The following HMBOX1 variants were observed in gnomAD, a reference collection of about 807,000 sequenced individuals.
The protein encoded by HMBOX1 is homeobox-containing protein 1.
HMBOX1 carries 14 observed loss-of-function variants against 54.5 expected under a neutral mutation model. That is an observed-to-expected ratio of 0.26 (90% CI 0.17 to 0.40). The LOEUF is 0.40. HMBOX1 is among the 10% of genes least tolerant of loss of function. HMBOX1 has a pLI of 1.00. For missense variants in HMBOX1, 332 were observed against 514.4 expected, an observed-to-expected ratio of 0.65 and a Z score of 3.43; for synonymous variants, 160 against 181.0, an observed-to-expected ratio of 0.88 and a Z score of 0.93.
intron 1 of HMBOX1, among the ~76,000 whole-genome samples, chr8:28,937,221 T>C (rs1383890464): frequency 1.3e-5 from 2 of 152,226 alleles, no homozygotes; most frequent in Admixed American, 1.3e-4. Flanking sequence ...TTTTGGGTTG[T>C]AGTAATAAGT....
intron 1 of HMBOX1, among the ~76,000 whole-genome samples, chr8:28,911,117 A>G (rs1815327086): frequency 6.6e-6 from 1 of 152,232 alleles, no homozygotes; most frequent in South Asian, 2.1e-4. Flanking sequence ...TTAAGCAGTC[A>G]GATTTCTTAG....
At chr8:28,946,784 A>G (rs755778059) in intron 1 of HMBOX1, among the ~76,000 whole-genome samples, 3 of 152,348 alleles carry the variant, frequency 2.0e-5, no homozygotes, top group Admixed American at 1.3e-4. Flanking sequence ...ATATAAATCC[A>G]TAGTACAATG....
At chr8:28,967,575 ATGAT>A (rs1160962446) in intron 2 of HMBOX1, among the ~76,000 whole-genome samples, 5 of 152,210 alleles carry the variant, frequency 3.3e-5, no homozygotes, top group Non-Finnish European at 7.4e-5. Context: ...GGAAAATACT[ATGAT>A]TGGGGATTTT....
intron 6 of HMBOX1, among the ~76,000 whole-genome samples, chr8:29,035,571 G>A (rs1803721840): frequency 6.6e-6 from 1 of 152,176 alleles, no homozygotes; most frequent in Non-Finnish European, 1.5e-5. Context: ...AGGAGTTTGT[G>A]AACTGGTTAA....
chr8:28,895,242 C>T (rs777492755), intron 1 of HMBOX1, among the ~76,000 whole-genome samples: 7 of 152,142 alleles, frequency 4.6e-5, no homozygotes, highest in African/African-American at 7.2e-5. Flanking sequence ...TTACTGTATA[C>T]GTATTAAGTA....
chr8:29,026,043 T>TACACACACAC (rs35597688), intron 6 of HMBOX1, among the ~76,000 whole-genome samples: 89 of 143,584 alleles, frequency 6.2e-4, no homozygotes, highest in Middle Eastern at 3.5e-3. Context: ...TGCTACCATG[T>TACACACACAC]ACACACACAC....
chr8:28,989,000 C>T (rs1325718962), intron 4 of HMBOX1, among the ~76,000 whole-genome samples: 4 of 151,998 alleles, frequency 2.6e-5, no homozygotes, highest in East Asian at 1.9e-4. Flanking sequence ...GGACCAAGTG[C>T]GGTGGCTCAC....
rs1401851360 is a variant in HMBOX1, at chr8:29,009,187, A to G, written c.697+5A>G. On this transcript the variant is annotated splice_donor_5th_base_variant and intron_variant, in intron 5 of 9. Transcript: ENST00000287701. ...AACTTGAGAAGACAAACCCTGGTAAATAGCATTTCCTTTTATTTATTGCAT... is the reference window on the plus strand; with the variant it reads ...AACTTGAGAAGACAAACCCTGGTAAGTAGCATTTCCTTTTATTTATTGCAT... 2 of 1,594,852 alleles carry G rather than the reference A, an allele frequency of 1.3e-6. No individual in the cohort carries two copies. The highest frequency in any genetic ancestry group is 1.7e-5 in the Admixed American group (1 of 59,936).
chr8:28,897,776 C>T (rs953424995), intron 1 of HMBOX1, among the ~76,000 whole-genome samples: 2 of 152,140 alleles, frequency 1.3e-5, no homozygotes, highest in Admixed American at 1.3e-4. Flanking sequence ...GTTAGATAAC[C>T]AAAATTACAG....
intron 4 of HMBOX1, among the ~76,000 whole-genome samples, chr8:28,993,880 AG>A (rs962949026): frequency 6.6e-6 from 1 of 152,156 alleles, no homozygotes; most frequent in African/African-American, 2.4e-5. Flanking sequence ...TAAAAAGAAC[AG>A]GGGAAGGCCA....
chr8:28,942,573 A>G (rs924362162), intron 1 of HMBOX1, among the ~76,000 whole-genome samples: 2 of 152,070 alleles, frequency 1.3e-5, no homozygotes, highest in Non-Finnish European at 2.9e-5. Context: ...AAACAAATCT[A>G]TATATAGTTA....
intron 1 of HMBOX1, among the ~76,000 whole-genome samples, chr8:28,901,622 C>A (rs1005400272): frequency 2.6e-5 from 4 of 152,196 alleles, no homozygotes; most frequent in Non-Finnish European, 5.9e-5. Flanking sequence ...CCATGGTGCA[C>A]AGCACTCTTA....
In HMBOX1 at chr8:29,030,932, A is replaced by G. The variant is rs187141294; in HGVS notation, c.851+12019A>G. ...AATGAAATATCTTGAGGTTGCTGCA[A>G]TCTGAAAATGGAAAGAAATTATTGT... On this transcript the variant is annotated intron_variant, in intron 6 of 9. Coordinates refer to ENST00000287701, the MANE Select transcript of HMBOX1 (RefSeq NM_001135726.3). Among the ~76,000 whole-genome samples the G allele has an allele frequency of 2.6e-5, 4 of 152,328 alleles. No individual in the cohort carries two copies. The East Asian group carries it at 5.8e-4, about 22-fold the overall frequency.
intron 1 of HMBOX1, among the ~76,000 whole-genome samples, chr8:28,895,129 T>C (rs1049906934): frequency 6.6e-6 from 1 of 152,230 alleles, no homozygotes; most frequent in African/African-American, 2.4e-5. Context: ...AAATGTTGAC[T>C]AAATTCCACA....
chr8:28,970,551 A>G lies in HMBOX1; in HGVS notation c.500+32A>G. 7.4e-7 allele frequency: 1 copy of G among 1,342,892 alleles called. No homozygotes were observed. Among genetic ancestry groups the G allele is most frequent in the Non-Finnish European group, 1.0e-6 (1 of 973,412 alleles). 83.2% of individuals were successfully genotyped at this position (1,342,892 alleles called of 1,614,324 possible). A position where few individuals can be genotyped will look rare whatever the true frequency, so the allele number is the denominator to read the frequency against. On this transcript the variant is annotated intron_variant, in intron 3 of 9. Transcript: ENST00000287701. The surrounding 1 kb of genome is among the most constrained non-coding windows in gnomAD (Gnocchi z 4.3). Reference sequence around the variant, plus strand: ...GACTTTGCTTATTCAGAGTCCCTAAAAATGTCTGTATTCTTAGATTGTTTT... The same window carrying G: ...GACTTTGCTTATTCAGAGTCCCTAAGAATGTCTGTATTCTTAGATTGTTTT...
At chr8:28,994,525 CT>C (rs1170348554) in intron 4 of HMBOX1, among the ~76,000 whole-genome samples, 6 of 152,068 alleles carry the variant, frequency 3.9e-5, no homozygotes, top group Admixed American at 1.3e-4. Flanking sequence ...TTCTACACTA[CT>C]GTTAAAAGAA....
intron 4 of HMBOX1, among the ~76,000 whole-genome samples, chr8:28,989,165 G>A (rs1408078129): frequency 2.0e-5 from 3 of 151,982 alleles, no homozygotes; most frequent in East Asian, 1.9e-4. Flanking sequence ...CCAGCTGCTC[G>A]GGAGGCTGAG....
chr8:28,992,200 A>G lies in HMBOX1; in HGVS notation c.586+12044A>G, dbSNP rs6986592. On this transcript the variant is annotated intron_variant, in intron 4 of 9. Transcript: ENST00000287701. ...CTTATTATGTAACTTTGGCCAAATT[A>G]CTGAATGTCTTAACCCTCAGTTTCT... Among the ~76,000 whole-genome samples, 871 of 152,324 alleles carry G rather than the reference A, an allele frequency of 5.7e-3. 4 individuals are homozygous for G. The highest frequency in any genetic ancestry group is 0.02 in the African/African-American group (846 of 41,566).
At chr8:28,980,250 T>A in intron 4 of HMBOX1, 94 bp downstream of exon 4, 1 of 910,854 alleles carries the variant, frequency 1.1e-6, no homozygotes, top group South Asian at 1.4e-5. Context: ...TGCATTGCAG[T>A]GCAGATCTGT....
Sources: allele counts gnomAD v4.1 joint callset (sites outside exome capture counted in the v4.1 genomes callset), GRCh38; gene constraint gnomAD v4.1.1; non-coding constraint Gnocchi (gnomAD v3.1); transcripts MANE v1.5; gene names NCBI Gene and HGNC (gene_info 2026-07-23, HGNC 2026-07-21).